MALRD1: variants seen among roughly 807,000 people sequenced by gnomAD.
MALRD1 encodes MAM and LDL-receptor class A domain-containing protein 1.
A neutral mutation model predicts 242.1 loss-of-function variants in MALRD1; 247 were observed. The observed-to-expected ratio is 1.02, with a 90% CI of 0.92 to 1.13. The LOEUF is 1.13. Among genes scored for constraint, MALRD1 ranks in the 50% most tolerant of loss-of-function variants. MALRD1 has a pLI of 0.00. For synonymous variants in MALRD1, 995 were observed against 866.6 expected (o/e 1.15, Z -2.60); for missense variants, 2,989 against 2,533.1 (o/e 1.18, Z -3.86).
intron 18 of MALRD1, among the ~76,000 whole-genome samples, chr10:19,226,271 A>G (rs1564481005): frequency 6.6e-6 from 1 of 152,184 alleles, no homozygotes; most frequent in Non-Finnish European, 1.5e-5. Flanking sequence ...AATTTACAAA[A>G]TGTAGCAAAT....
chr10:19,111,177 G>C (rs1008648433), intron 5 of MALRD1, among the ~76,000 whole-genome samples: 1 of 152,112 alleles, frequency 6.6e-6, no homozygotes, highest in Non-Finnish European at 1.5e-5. Context: ...AATGTCAGAT[G>C]TGTAGTAAGT....
chr10:19,344,869 A>G (rs1844040742), intron 24 of MALRD1, among the ~76,000 whole-genome samples: 1 of 152,092 alleles, frequency 6.6e-6, no homozygotes, highest in East Asian at 1.9e-4. Flanking sequence ...ACATTGATCA[A>G]TGGACAAATT....
chr10:19,547,547 C>T (rs1224896405), intron 32 of MALRD1, among the ~76,000 whole-genome samples: 1 of 151,592 alleles, frequency 6.6e-6, no homozygotes, highest in East Asian at 1.9e-4. Context: ...GCCAGCTTCT[C>T]ATAATGAAAT....
In MALRD1 at chr10:19,147,256, A is replaced by G. The variant is rs1003738777; in HGVS notation, c.1558+912A>G. 3.9e-5 allele frequency among the ~76,000 whole-genome samples: 6 copies of G among 152,198 alleles called. No homozygotes were observed. The East Asian group carries it at 7.7e-4, about 20-fold the overall frequency. Reference sequence around the variant, plus strand: ...TCTTCTTTCAGACTTCCAAAGAATTATACCAAAAATAAGTATTGATCATAT... The same window carrying G: ...TCTTCTTTCAGACTTCCAAAGAATTGTACCAAAAATAAGTATTGATCATAT... On this transcript the variant is annotated intron_variant, in intron 11 of 39. Transcript: ENST00000454679.
intron 14 of MALRD1, among the ~76,000 whole-genome samples, chr10:19,181,749 G>A (rs2131559258): frequency 6.6e-6 from 1 of 151,988 alleles, no homozygotes; most frequent in East Asian, 1.9e-4. Context: ...AGAAAAAAAA[G>A]GGCAATTATG....
intron 36 of MALRD1, among the ~76,000 whole-genome samples, chr10:19,631,817 C>T (rs987005684): frequency 1.3e-5 from 2 of 152,106 alleles, no homozygotes; most frequent in Non-Finnish European, 2.9e-5. Flanking sequence ...ATGTCATTTG[C>T]CCACTTCTTA....
Position 19,450,424 on chromosome 10 carries a change from A to G in MALRD1, c.4963A>G (p.Ile1655Val), listed in dbSNP as rs1835258913. The change falls in exon 29 of 40, where the codon ATC (isoleucine) becomes GTC (valine). Residue 1655 changes from isoleucine to valine, a missense_variant. Coordinates refer to ENST00000454679, the MANE Select transcript of MALRD1 (RefSeq NM_001142308.3). The part of the protein sequence containing the change: ...LRNFEVIFQG[I>V]RTRDLGGGAA... ...GAATTTTGAAGTCATATTTCAAGGTATCAGAACAAGGGACCTGGGAGGAGG... is the reference window on the plus strand; with the variant it reads ...GAATTTTGAAGTCATATTTCAAGGTGTCAGAACAAGGGACCTGGGAGGAGG... The G allele has an allele frequency of 6.4e-7, 1 of 1,550,552 alleles. No homozygotes were observed. The highest frequency in any genetic ancestry group is 1.2e-5 in the South Asian group (1 of 84,054).
intron 14 of MALRD1, among the ~76,000 whole-genome samples, chr10:19,176,366 C>CTTTTTTTTTTTTTTTTTTTTTTTTTTTT (rs11443184): frequency 3.4e-5 from 3 of 87,296 alleles, no homozygotes; most frequent in Non-Finnish European, 4.6e-5. Context: ...TTTCTGGGTG[C>CTTTTTTTTTTTTTTTTTTTTTTTTTTTT]TTTTTTTTTT....
At chr10:19,547,820 T>TATA (rs1564431955) in intron 32 of MALRD1, among the ~76,000 whole-genome samples, 10 of 15,786 alleles carry the variant, frequency 6.3e-4, no homozygotes, top group South Asian at 5.0e-3. Context: ...ATATATATAT[T>TATA]TTTTTTTTTT....
At chr10:19,535,328 T>G (rs1352438907) in intron 32 of MALRD1, among the ~76,000 whole-genome samples, 1 of 152,104 alleles carries the variant, frequency 6.6e-6, no homozygotes, top group Non-Finnish European at 1.5e-5. Flanking sequence ...TAATTAGTGA[T>G]AAAAAGAAAT....
At chr10:19,319,607 T>C (rs1186468865) in intron 21 of MALRD1, among the ~76,000 whole-genome samples, 1 of 152,096 alleles carries the variant, frequency 6.6e-6, no homozygotes, top group Non-Finnish European at 1.5e-5. Flanking sequence ...ATCACAGTTC[T>C]GGAGGCTTGG....
chr10:19,718,762 A>G (rs572163805), intron 38 of MALRD1, among the ~76,000 whole-genome samples: 6 of 152,200 alleles, frequency 3.9e-5, no homozygotes, highest in African/African-American at 1.2e-4. Context: ...GCTTGCATCT[A>G]ATTTTTCTAA....
At chr10:19,516,590 A>G (rs1356409802) in intron 31 of MALRD1, among the ~76,000 whole-genome samples, 4 of 151,878 alleles carry the variant, frequency 2.6e-5, no homozygotes, top group Non-Finnish European at 4.4e-5. Flanking sequence ...AGATTTTTTC[A>G]TTTGTTCAAT....
intron 28 of MALRD1, among the ~76,000 whole-genome samples, chr10:19,439,518 A>T (rs1834512965): frequency 7.0e-6 from 1 of 142,612 alleles, no homozygotes. Flanking sequence ...AGGCTGGGCA[A>T]CAAAGCAAGA....
At chr10:19,105,285 CTTATT>C (rs1375266326) in intron 5 of MALRD1, among the ~76,000 whole-genome samples, 3 of 151,850 alleles carry the variant, frequency 2.0e-5, no homozygotes, top group African/African-American at 7.3e-5. Flanking sequence ...CTGTGTCTGT[CTTATT>C]TTGTTTAATA....
chr10:19,255,702 G>A (rs1839475098), intron 18 of MALRD1, among the ~76,000 whole-genome samples: 1 of 151,936 alleles, frequency 6.6e-6, no homozygotes, highest in African/African-American at 2.4e-5. Flanking sequence ...AGATATTTTG[G>A]TAAAAATTAT....
chr10:19,267,957 GT>G (rs1840035721), intron 19 of MALRD1, among the ~76,000 whole-genome samples: 1 of 152,110 alleles, frequency 6.6e-6, no homozygotes, highest in Admixed American at 6.5e-5. Context: ...TCAATTAACA[GT>G]TTTATTGTGT....
intron 15 of MALRD1, among the ~76,000 whole-genome samples, chr10:19,204,086 A>G (rs1360272214): frequency 6.6e-6 from 1 of 152,236 alleles, no homozygotes; most frequent in East Asian, 1.9e-4. Flanking sequence ...TGGCTGAACT[A>G]GCTGAAATTA....
At chr10:19,325,237 C>T (rs969144844) in intron 22 of MALRD1, among the ~76,000 whole-genome samples, 2 of 151,804 alleles carry the variant, frequency 1.3e-5, no homozygotes, top group African/African-American at 4.8e-5. Flanking sequence ...TTATTTGCTC[C>T]TCAAACTGTC....
Sources: allele counts gnomAD v4.1 joint callset (sites outside exome capture counted in the v4.1 genomes callset), GRCh38; gene constraint gnomAD v4.1.1; transcripts MANE v1.5; gene names NCBI Gene and HGNC (gene_info 2026-07-23, HGNC 2026-07-21).